Variants in RCN3 observed in about 807,000 individuals in gnomAD.
The protein encoded by RCN3 is reticulocalbin-3.
In RCN3, 41 loss-of-function variants were observed where a neutral mutation model predicts 35.9. That is an observed-to-expected ratio of 1.14 (90% CI 0.89 to 1.48). The LOEUF (loss-of-function observed/expected upper bound fraction) is 1.48. RCN3 is among the 40% of genes most tolerant of loss of function. The probability of loss-of-function intolerance (pLI) is 0.00; values close to 1 mark genes in which losing one functional copy is unlikely to be tolerated. For missense variants in RCN3, 451 were observed against 471.3 expected, an observed-to-expected ratio of 0.96 and a Z score of 0.40; for synonymous variants, 187 against 193.4, an observed-to-expected ratio of 0.97 and a Z score of 0.27.
chr19:49,538,256 G>A (rs1007699393), intron 4 of RCN3, among the ~76,000 whole-genome samples: 6 of 149,622 alleles, frequency 4.0e-5, no homozygotes, highest in Non-Finnish European at 5.9e-5. Flanking sequence ...TCTGCCTCCC[G>A]GGTTCACTCC....
At chr19:49,531,926 G>C (rs547410278) in intron 2 of RCN3, among the ~76,000 whole-genome samples, 2 of 150,956 alleles carry the variant, frequency 1.3e-5, no homozygotes, top group African/African-American at 4.9e-5. Flanking sequence ...TCAGCCTCCC[G>C]AGTAGCTGGG....
intron 5 of RCN3, among the ~76,000 whole-genome samples, chr19:49,539,816 G>A (rs1005285904): frequency 6.8e-6 from 1 of 147,708 alleles, no homozygotes; most frequent in Admixed American, 7.0e-5. Context: ...TCCGCCTCCC[G>A]GGCTCAAGAG....
intron 5 of RCN3, among the ~76,000 whole-genome samples, chr19:49,539,433 T>TCTATA (rs1568712051): frequency 6.6e-6 from 1 of 152,102 alleles, no homozygotes; most frequent in African/African-American, 2.4e-5. Context: ...GAGCACCTAC[T>TCTATA]GCATATGGGT....
At chr19:49,542,508 C>T (rs2080167303) in intron 5 of RCN3, 45 bp from the exon 6 acceptor site, 3 of 1,444,202 alleles carry the variant, frequency 2.1e-6, no homozygotes, top group African/African-American at 2.8e-5. Context: ...TCCACTAGAC[C>T]CCCAGAGCTG....
intron 3 of RCN3, among the ~76,000 whole-genome samples, chr19:49,536,368 T>G (rs2080135350): frequency 6.9e-6 from 1 of 145,254 alleles, no homozygotes; most frequent in African/African-American, 2.6e-5. Flanking sequence ...TGGCAAGGTC[T>G]CGGCTTACTA....
intron 2 of RCN3, among the ~76,000 whole-genome samples, chr19:49,532,204 C>T (rs1331040936): frequency 1.4e-5 from 2 of 143,472 alleles, no homozygotes; most frequent in African/African-American, 5.2e-5. Flanking sequence ...CTCCCAGGTT[C>T]ACGCCATTCT....
intron 6 of RCN3, 148 bp downstream of exon 6, chr19:49,542,900 G>T: frequency 1.1e-6 from 1 of 909,422 alleles, no homozygotes; most frequent in Non-Finnish European, 1.6e-6. Flanking sequence ...AAAAGAGAGG[G>T]CACGGAGCCC....
At chr19:49,541,409 C>T (rs1021534104) in intron 5 of RCN3, among the ~76,000 whole-genome samples, 2 of 152,148 alleles carry the variant, frequency 1.3e-5, no homozygotes, top group Admixed American at 6.6e-5. Flanking sequence ...TGTTTGGGCT[C>T]TGGCACCTAT....
At chr19:49,542,806 G>T (rs2080169834) in intron 6 of RCN3, 54 bp downstream of exon 6, 2 of 1,496,108 alleles carry the variant, frequency 1.3e-6, no homozygotes, top group Non-Finnish European at 9.0e-7. Flanking sequence ...TTGCGGGCCA[G>T]ACTCCAGAAA....
Position 49,543,382 on chromosome 19 carries a change from C to G in RCN3, c.*169C>G. Reference sequence around the variant, plus strand: ...CCTGGGTCGGCTTCTGTCCCTGTCACACCCCCAACCCCAGGGAGGGGCTGT... The same window carrying G: ...CCTGGGTCGGCTTCTGTCCCTGTCAGACCCCCAACCCCAGGGAGGGGCTGT... On this transcript the variant is annotated 3_prime_UTR_variant, in exon 7 of 7. Coordinates refer to ENST00000270645, the MANE Select transcript of RCN3 (RefSeq NM_020650.3). 1 of 625,810 alleles carries G rather than the reference C, an allele frequency of 1.6e-6. No homozygotes were observed. Among genetic ancestry groups the G allele is most frequent in the South Asian group, 1.8e-5 (1 of 54,666 alleles). The allele number at this position is 625,810 out of a possible 1,614,324, so 38.8% of individuals were successfully genotyped here.
At position 49,534,183 on chromosome 19, in the gene RCN3, C is replaced by G. The variant is rs1234482883; in HGVS notation, c.243-10C>G. On this transcript the variant is annotated splice_polypyrimidine_tract_variant and intron_variant, in intron 2 of 6. Transcript: ENST00000270645. ...ACCAGAGCCTGACGTGTGCCCGCCC[C>G]GGCTTCTAGGCGGATCGTGGACCGC... 4 of 1,482,090 alleles carry G rather than the reference C, an allele frequency of 2.7e-6. No homozygotes were observed. In the East Asian group the frequency reaches 8.1e-5, roughly 30 times the overall value. The allele number at this position is 1,482,090 out of a possible 1,614,324, so 91.8% of individuals were successfully genotyped here. A position where few individuals can be genotyped will look rare whatever the true frequency, so the allele number is the denominator to read the frequency against.
chr19:49,534,049 C>A, intron 2 of RCN3, 144 bp from the exon 3 acceptor site: 1 of 843,604 alleles, frequency 1.2e-6, no homozygotes. Flanking sequence ...CCGAAATTGA[C>A]CCGCGCCCCT....
chr19:49,528,573 T>A lies in RCN3; in HGVS notation c.101T>A (p.Val34Glu). The A allele has an allele frequency of 6.2e-7, 1 of 1,606,000 alleles. No homozygotes were observed. Among genetic ancestry groups the A allele is most frequent in the African/African-American group, 1.3e-5 (1 of 74,368 alleles). The change falls in exon 2 of 7, where the codon GTG becomes GAG. Residue 34 changes from valine to glutamate, a missense_variant. Transcript: ENST00000270645. Reference sequence around the variant, plus strand: ...GCAGGCCCTCATGGCCAGGGGAGGGTGCACCAGGCGGCCCCCCTGAGCGAC... The same window carrying A: ...GCAGGCCCTCATGGCCAGGGGAGGGAGCACCAGGCGGCCCCCCTGAGCGAC... ...PDAGPHGQGR[V>E]HQAAPLSDAP...
intron 5 of RCN3, among the ~76,000 whole-genome samples, chr19:49,541,075 C>T (rs1403837397): frequency 6.6e-6 from 1 of 151,898 alleles, no homozygotes; most frequent in African/African-American, 2.4e-5. Context: ...GGATTATGGG[C>T]GTGCACTACC....
rs752857462 is a variant in RCN3 at position 49,537,234 on chromosome 19, C to T, written c.618+29C>T. 3 of 1,444,936 alleles carry T rather than the reference C, an allele frequency of 2.1e-6. No individual in the cohort carries two copies. The East Asian group carries it at 8.0e-5, about 38-fold the overall frequency. The allele number at this position is 1,444,936 out of a possible 1,614,324, so 89.5% of individuals were successfully genotyped here. A position where few individuals can be genotyped will look rare whatever the true frequency, so the allele number is the denominator to read the frequency against. On this transcript the variant is annotated intron_variant, in intron 4 of 6. Transcript: ENST00000270645. ...AGTGGCGGCTGGGGAACCCTGTCCC[C>T]CACACCCTTCCGGGGACCCAGGCTT...
intron 5 of RCN3, among the ~76,000 whole-genome samples, chr19:49,539,733 T>A (rs927622533): frequency 5.5e-5 from 8 of 146,506 alleles, no homozygotes; most frequent in African/African-American, 1.6e-4. Context: ...TTTTTTTTTT[T>A]TTTTTTTTTG....
At chr19:49,534,477 C>G in intron 3 of RCN3, 82 bp downstream of exon 3, 1 of 1,430,648 alleles carries the variant, frequency 7.0e-7, no homozygotes, top group Non-Finnish European at 9.3e-7. Context: ...AACCCTGAAC[C>G]CATTTACCCG....
intron 2 of RCN3, among the ~76,000 whole-genome samples, chr19:49,529,246 C>T (rs941111245): frequency 1.3e-5 from 2 of 152,118 alleles, no homozygotes; most frequent in Non-Finnish European, 2.9e-5. Context: ...AGATTCTGCC[C>T]CCTAAGCGCT....
At chr19:49,533,048 T>C (rs1299065921) in intron 2 of RCN3, among the ~76,000 whole-genome samples, 1 of 152,226 alleles carries the variant, frequency 6.6e-6, no homozygotes, top group African/African-American at 2.4e-5. Flanking sequence ...TACCGTTTTT[T>C]CTTCCTCCGT....
Sources: allele counts gnomAD v4.1 joint callset (sites outside exome capture counted in the v4.1 genomes callset), GRCh38; gene constraint gnomAD v4.1.1; transcripts MANE v1.5; gene names NCBI Gene and HGNC (gene_info 2026-07-23, HGNC 2026-07-21).